Variants in DPYD observed in about 807,000 individuals in gnomAD.
DPYD encodes dihydropyrimidine dehydrogenase [NADP(+)].
A neutral mutation model predicts 116.2 loss-of-function variants in DPYD; 109 were observed. That is an observed-to-expected ratio of 0.94 (90% CI 0.80 to 1.10). DPYD has a LOEUF of 1.10. Among genes scored for constraint, DPYD ranks in the 50% least tolerant of loss-of-function variants. The pLI is 0.00. For missense variants in DPYD, 1,302 were observed against 1,254.5 expected (o/e 1.04, Z -0.57); for synonymous variants, 440 against 432.0 (o/e 1.02, Z -0.23).
At chr1:97,700,642 T>A (rs1013610412) in intron 5 of DPYD, among the ~76,000 whole-genome samples, 7 of 152,040 alleles carry the variant, frequency 4.6e-5, no homozygotes, top group Non-Finnish European at 7.4e-5. Context: ...ACAAATTTTT[T>A]ATAAAATGCC....
At chr1:97,324,671 C>T (rs767490987) in intron 16 of DPYD, among the ~76,000 whole-genome samples, 5 of 151,940 alleles carry the variant, frequency 3.3e-5, no homozygotes, top group African/African-American at 7.2e-5. Context: ...ATAAAAATGG[C>T]CTTTAGAATT....
intron 20 of DPYD, among the ~76,000 whole-genome samples, chr1:97,120,385 G>A (rs1288314796): frequency 6.6e-6 from 1 of 152,054 alleles, no homozygotes; most frequent in African/African-American, 2.4e-5. Flanking sequence ...CCACCCATGG[G>A]CCACCTAGAC....
chr1:97,500,540 T>A (rs2101929148), intron 13 of DPYD, among the ~76,000 whole-genome samples: 1 of 152,192 alleles, frequency 6.6e-6, no homozygotes, highest in Admixed American at 6.6e-5. Context: ...CATGGGATTA[T>A]CGTTTTTTAT....
chr1:97,679,988 GGTTCTTC>G (rs1660349174), intron 7 of DPYD, among the ~76,000 whole-genome samples: 1 of 152,130 alleles, frequency 6.6e-6, no homozygotes, highest in African/African-American at 2.4e-5. Context: ...ATTAAGCACT[GGTTCTTC>G]AGTAATACTG....
chr1:97,220,578 A>G (rs890678062), intron 19 of DPYD, among the ~76,000 whole-genome samples: 1 of 152,138 alleles, frequency 6.6e-6, no homozygotes, highest in Non-Finnish European at 1.5e-5. Flanking sequence ...CCTGGGATAT[A>G]GTGGGGCTCA....
chr1:97,399,102 C>T (rs368005772), intron 14 of DPYD, among the ~76,000 whole-genome samples: 14 of 149,944 alleles, frequency 9.3e-5, no homozygotes, highest in South Asian at 6.4e-4. Context: ...AGTCTTTAAT[C>T]GGTCTTGAAT....
At chr1:97,292,265 G>C (rs779598327) in intron 18 of DPYD, among the ~76,000 whole-genome samples, 1 of 152,118 alleles carries the variant, frequency 6.6e-6, no homozygotes, top group Admixed American at 6.5e-5. Context: ...AGGCATACCC[G>C]AGACTGGGTA....
chr1:97,854,572 G>C (rs1670725591), intron 2 of DPYD, among the ~76,000 whole-genome samples: 1 of 152,166 alleles, frequency 6.6e-6, no homozygotes, highest in Admixed American at 6.5e-5. Context: ...TTTTGTGTCA[G>C]AAAACATTTT....
chr1:97,364,412 T>C (rs1380810142), intron 16 of DPYD, among the ~76,000 whole-genome samples: 1 of 151,978 alleles, frequency 6.6e-6, no homozygotes, highest in African/African-American at 2.4e-5. Flanking sequence ...GGGCAAAAAC[T>C]CAAGCAATCA....
At chr1:97,364,562 ATT>A (rs1670924106) in intron 16 of DPYD, among the ~76,000 whole-genome samples, 1 of 152,188 alleles carries the variant, frequency 6.6e-6, no homozygotes, top group East Asian at 1.9e-4. Flanking sequence ...ACATATATTC[ATT>A]AAGCATACTG....
chr1:97,189,480 A>G (rs1201188262), intron 20 of DPYD, among the ~76,000 whole-genome samples: 4 of 152,188 alleles, frequency 2.6e-5, no homozygotes, highest in African/African-American at 9.7e-5. Flanking sequence ...ATGCTTTTCC[A>G]GTTGCAAAAT....
intron 20 of DPYD, among the ~76,000 whole-genome samples, chr1:97,168,459 G>T (rs1043830738): frequency 4.6e-5 from 7 of 152,182 alleles, no homozygotes; most frequent in African/African-American, 1.7e-4. Flanking sequence ...GTTAAATGAG[G>T]TAACTGAAGT....
intron 13 of DPYD, among the ~76,000 whole-genome samples, chr1:97,499,661 CA>C (rs1679465359): frequency 1.3e-5 from 2 of 151,784 alleles, no homozygotes; most frequent in African/African-American, 4.8e-5. Context: ...ACACTTTTCT[CA>C]AAACAAAGGG....
At chr1:97,327,558 TTGAG>T (rs1411891275) in intron 16 of DPYD, among the ~76,000 whole-genome samples, 2 of 152,048 alleles carry the variant, frequency 1.3e-5, no homozygotes, top group African/African-American at 2.4e-5. Flanking sequence ...TCTATTTCCT[TTGAG>T]TAAGAAAATT....
chr1:97,617,792 C>T (rs952371109), intron 8 of DPYD, among the ~76,000 whole-genome samples: 4 of 152,192 alleles, frequency 2.6e-5, no homozygotes, highest in African/African-American at 9.6e-5. Flanking sequence ...TCAGACTCCA[C>T]CCCTCTGAGT....
At chr1:97,877,102 G>A (rs1436148221) in intron 2 of DPYD, among the ~76,000 whole-genome samples, 1 of 152,042 alleles carries the variant, frequency 6.6e-6, no homozygotes, top group African/African-American at 2.4e-5. Context: ...CCCTGGGAGA[G>A]TAGATTGAAC....
intron 19 of DPYD, 120 bp from the exon 20 acceptor site, chr1:97,193,368 T>G (rs907891772): frequency 2.2e-5 from 23 of 1,034,574 alleles, no homozygotes; most frequent in Middle Eastern, 5.8e-4. Context: ...TGAGGCATGA[T>G]GGATCAGTAG....
At chr1:97,407,425 G>T (rs1439800707) in intron 14 of DPYD, among the ~76,000 whole-genome samples, 1 of 152,120 alleles carries the variant, frequency 6.6e-6, no homozygotes, top group African/African-American at 2.4e-5. Flanking sequence ...TGTTCAATTA[G>T]ATAATCCTGG....
intron 13 of DPYD, among the ~76,000 whole-genome samples, chr1:97,499,409 C>T (rs1004980075): frequency 1.3e-5 from 2 of 151,710 alleles, no homozygotes; most frequent in African/African-American, 2.4e-5. Context: ...CATTGAAAAA[C>T]ACCTTTTGTG....
Sources: gnomAD v4.1 joint callset for allele counts (sites outside exome capture counted in the v4.1 genomes callset) on GRCh38, gnomAD v4.1.1 for gene constraint, MANE v1.5 for transcripts, NCBI Gene and HGNC (gene_info 2026-07-23, HGNC 2026-07-21) for gene names.